The following TLK1 variants were observed in gnomAD, a reference collection of about 807,000 sequenced individuals.
TLK1 encodes the protein tousled like kinase 1.
A neutral mutation model predicts 105.3 loss-of-function variants in TLK1; 24 were observed. That is an observed-to-expected ratio of 0.23 (90% CI 0.17 to 0.32). TLK1 has a LOEUF of 0.32. TLK1 is among the 10% of genes least tolerant of loss of function. TLK1 has a pLI of 1.00. For missense variants in TLK1, 558 were observed against 910.5 expected (o/e 0.61, Z 4.98); for synonymous variants, 321 against 310.4 (o/e 1.03, Z -0.36).
chr2:171,218,680 G>C (rs564128243), intron 1 of TLK1, among the ~76,000 whole-genome samples: 3 of 152,238 alleles, frequency 2.0e-5, no homozygotes, highest in African/African-American at 7.2e-5. Context: ...TGCATCCTCT[G>C]GGGGGACTAA....
At chr2:171,110,592 A>G (rs1472579347) in intron 2 of TLK1, among the ~76,000 whole-genome samples, 1 of 152,272 alleles carries the variant, frequency 6.6e-6, no homozygotes, top group Non-Finnish European at 1.5e-5. Flanking sequence ...ATGCATTATG[A>G]TAAGTTAAAA....
At chr2:171,194,727 G>C (rs928225770) in intron 1 of TLK1, among the ~76,000 whole-genome samples, 9 of 150,454 alleles carry the variant, frequency 6.0e-5, no homozygotes, top group African/African-American at 2.2e-4. Flanking sequence ...TGAGGCAGGA[G>C]AATGGCGTGA....
At chr2:171,114,819 A>G (rs984415188) in intron 2 of TLK1, among the ~76,000 whole-genome samples, 2 of 152,136 alleles carry the variant, frequency 1.3e-5, no homozygotes, top group Non-Finnish European at 2.9e-5. Context: ...TGAGTGACAG[A>G]GTGAGATCCT....
At chr2:171,103,282 A>ATATATATATATATATAT (rs55949414) in intron 2 of TLK1, among the ~76,000 whole-genome samples, 19 of 147,966 alleles carry the variant, frequency 1.3e-4, no homozygotes, top group African/African-American at 2.3e-4. Context: ...ATATATATAT[A>ATATATATATATATATAT]ATTTTTTTTG....
chr2:171,157,070 T>G, intron 1 of TLK1, among the ~76,000 whole-genome samples: 1 of 152,194 alleles, frequency 6.6e-6, no homozygotes, highest in Non-Finnish European at 1.5e-5. Context: ...CCTCCCAAAG[T>G]GCTGGGATTA....
At chr2:171,078,585 G>T (rs1219924047) in intron 3 of TLK1, among the ~76,000 whole-genome samples, 2 of 152,082 alleles carry the variant, frequency 1.3e-5, no homozygotes, top group Admixed American at 6.6e-5. Flanking sequence ...TGTTGGAAAT[G>T]CAAAATTCTA....
chr2:171,081,506 G>C, intron 3 of TLK1: 1 of 391,102 alleles, frequency 2.6e-6, no homozygotes, highest in Non-Finnish European at 4.3e-6. Flanking sequence ...TATAAAGTGA[G>C]AACATTCTTG....
rs551575705 is a variant in TLK1, at chr2:171,151,991, T to A, written c.139+8299A>T. On this transcript the variant is annotated intron_variant, in intron 1 of 20. Transcript: ENST00000431350. ...CTGGTCTTAGGAGACAGGATGAGTA[T>A]GATTAGCCTCACACAAACCCCTCTG... 2.0e-5 allele frequency among the ~76,000 whole-genome samples: 3 copies of A among 152,294 alleles called. No individual in the cohort carries two copies. In the South Asian group the frequency reaches 6.2e-4, roughly 32 times the overall value.
intron 2 of TLK1, among the ~76,000 whole-genome samples, chr2:171,107,785 G>A (rs1210972322): frequency 3.3e-5 from 5 of 152,120 alleles, no homozygotes; most frequent in Non-Finnish European, 4.4e-5. Flanking sequence ...CTGGCCAGGC[G>A]CAGTGGCTCA....
In TLK1 at chr2:171,016,931, C is replaced by A. The variant is rs937100484; in HGVS notation, c.1237-1983G>T. On this transcript the variant is annotated intron_variant, in intron 12 of 20. Coordinates refer to ENST00000431350, the MANE Select transcript of TLK1 (RefSeq NM_012290.5). ...TAAATTCAAATGAAGATAAATCTTT[C>A]TACAAGTATTGGGAGATTTTCTACA... is the stretch of plus-strand genomic sequence containing the variant. Among the ~76,000 whole-genome samples the A allele has an allele frequency of 2.6e-5, 4 of 152,124 alleles. No homozygotes were observed. The East Asian group carries it at 7.7e-4, about 29-fold the overall frequency.
intron 1 of TLK1, among the ~76,000 whole-genome samples, chr2:171,194,058 G>A (rs1693214420): frequency 6.6e-6 from 1 of 152,046 alleles, no homozygotes; most frequent in Non-Finnish European, 1.5e-5. Context: ...GTCTTAGCAT[G>A]CCTAGTTCAA....
chr2:171,054,118 T>C (rs1687381242), intron 7 of TLK1: 1 of 244,792 alleles, frequency 4.1e-6, no homozygotes, highest in Non-Finnish European at 7.8e-6. Flanking sequence ...CTTTGTGCTA[T>C]ACGTTCCTCT....
At chr2:171,217,345 C>G (rs982243026) in intron 1 of TLK1, among the ~76,000 whole-genome samples, 1 of 152,168 alleles carries the variant, frequency 6.6e-6, no homozygotes, top group African/African-American at 2.4e-5. Flanking sequence ...CCACAGGTAA[C>G]TTGGGAGGTA....
intron 3 of TLK1, among the ~76,000 whole-genome samples, chr2:171,069,763 T>C (rs1250795494): frequency 6.6e-6 from 1 of 152,226 alleles, no homozygotes; most frequent in Non-Finnish European, 1.5e-5. Flanking sequence ...TGACGACATC[T>C]CACTGGATGA....
chr2:171,090,420 G>A (rs1364257136), intron 2 of TLK1, among the ~76,000 whole-genome samples: 1 of 150,544 alleles, frequency 6.6e-6, no homozygotes, highest in Non-Finnish European at 1.5e-5. Context: ...ATGTTATGGG[G>A]ATAATCTTTA....
intron 2 of TLK1, among the ~76,000 whole-genome samples, chr2:171,093,279 T>C (rs930626174): frequency 6.6e-6 from 1 of 152,150 alleles, no homozygotes; most frequent in East Asian, 1.9e-4. Flanking sequence ...TAAAATGTGA[T>C]GGGAAAAATT....
chr2:171,016,193 G>T (rs985425919), intron 12 of TLK1, among the ~76,000 whole-genome samples: 1 of 152,184 alleles, frequency 6.6e-6, no homozygotes, highest in Non-Finnish European at 1.5e-5. Context: ...TCAGGCTGGA[G>T]CGCAGTGGCA....
Position 171,189,165 on chromosome 2 carries a change from ATT to A in TLK1, c.-6+41978_-6+41979del, listed in dbSNP as rs368305495. ...GATCAACTCAAATATTGATAGTACA[ATT>A]TTTTTTTTTTTTTTTTTGAGATGGA... On this transcript the variant is annotated intron_variant, in intron 1 of 20. Coordinates refer to the TLK1 transcript ENST00000521943. Among the ~76,000 whole-genome samples, 590 of 137,542 alleles carry A rather than the reference ATT, an allele frequency of 4.3e-3. 5 individuals are homozygous for A. The highest frequency in any genetic ancestry group is 0.015 in the African/African-American group (532 of 35,518). The allele number at this position is 137,542 out of a possible 152,430, so 90.2% of individuals were successfully genotyped here. A position where few individuals can be genotyped will look rare whatever the true frequency, so the allele number is the denominator to read the frequency against.
At chr2:171,185,041 A>G (rs780704449) in intron 1 of TLK1, among the ~76,000 whole-genome samples, 39 of 152,240 alleles carry the variant, frequency 2.6e-4, no homozygotes, top group Admixed American at 4.6e-4. Context: ...GGATTTCACC[A>G]TGTTAGCCAG....
Sources: allele counts gnomAD v4.1 joint callset (sites outside exome capture counted in the v4.1 genomes callset), GRCh38; gene constraint gnomAD v4.1.1; transcripts MANE v1.5; gene names NCBI Gene and HGNC (gene_info 2026-07-23, HGNC 2026-07-21).